MEMO1: variants seen among roughly 807,000 people sequenced by gnomAD.
The protein encoded by MEMO1 is mediator of cell motility 1.
A neutral mutation model predicts 45.2 loss-of-function variants in MEMO1; 6 were observed. The observed-to-expected ratio is 0.13, with a 90% CI of 0.07 to 0.26. The LOEUF (loss-of-function observed/expected upper bound fraction) is 0.26, where lower values mean the gene tolerates loss of function less well. Among genes scored for constraint, MEMO1 ranks in the 10% least tolerant of loss-of-function variants. The pLI, the probability that MEMO1 is intolerant of heterozygous loss-of-function variation, is 1.00. For missense variants in MEMO1, 184 were observed against 370.5 expected (o/e 0.50, Z 4.13); for synonymous variants, 78 against 124.3 (o/e 0.63, Z 2.48).
intron 2 of MEMO1, among the ~76,000 whole-genome samples, chr2:31,980,598 T>A (rs1486916806): frequency 1.3e-5 from 2 of 152,334 alleles, no homozygotes; most frequent in South Asian, 4.1e-4. Flanking sequence ...CAAACTATTT[T>A]ACCAATCCTA....
intron 2 of MEMO1, among the ~76,000 whole-genome samples, chr2:31,959,614 A>G (rs1446007409): frequency 2.6e-5 from 4 of 152,188 alleles, no homozygotes; most frequent in African/African-American, 4.8e-5. Context: ...AGTTACAGAC[A>G]AGATGAGGTA....
intron 2 of MEMO1, among the ~76,000 whole-genome samples, chr2:31,991,506 G>C (rs932820026): frequency 6.7e-6 from 1 of 150,242 alleles, no homozygotes; most frequent in African/African-American, 2.5e-5. Context: ...GGGAGGTGGA[G>C]GTTGCAGTGA....
At chr2:31,986,670 T>C (rs1473033752) in intron 2 of MEMO1, among the ~76,000 whole-genome samples, 2 of 152,110 alleles carry the variant, frequency 1.3e-5, no homozygotes, top group African/African-American at 4.8e-5. Context: ...GACAGGCAGG[T>C]CTACATTCTC....
At chr2:31,999,897 T>C (rs2148588338) in intron 2 of MEMO1, among the ~76,000 whole-genome samples, 1 of 151,420 alleles carries the variant, frequency 6.6e-6, no homozygotes, top group Middle Eastern at 3.4e-3. Context: ...TTTTTTTTTT[T>C]TTTTTGGACA....
chr2:31,978,427 C>A (rs907171356), intron 2 of MEMO1, among the ~76,000 whole-genome samples: 1 of 152,144 alleles, frequency 6.6e-6, no homozygotes, highest in East Asian at 1.9e-4. Context: ...GTGCAAATGC[C>A]TGGCATATAG....
At chr2:31,970,703 T>C (rs1297461746) in intron 2 of MEMO1, among the ~76,000 whole-genome samples, 4 of 151,300 alleles carry the variant, frequency 2.6e-5, no homozygotes, top group African/African-American at 9.7e-5. Flanking sequence ...TTTAACAACA[T>C]TGCAGGTTCA....
At chr2:31,923,369 T>G (rs1010293899) in intron 4 of MEMO1, 1 of 249,494 alleles carries the variant, frequency 4.0e-6, no homozygotes, top group African/African-American at 2.2e-5. Context: ...TCTTTCTACC[T>G]CTCTTCCTTC....
At chr2:31,993,516 A>G (rs1672190843) in intron 2 of MEMO1, among the ~76,000 whole-genome samples, 1 of 152,168 alleles carries the variant, frequency 6.6e-6, no homozygotes, top group South Asian at 2.1e-4. Flanking sequence ...TGCCATACTG[A>G]AGTTTGAGAA....
chr2:31,890,934 A>C (rs1174305511), intron 7 of MEMO1, among the ~76,000 whole-genome samples: 1 of 152,200 alleles, frequency 6.6e-6, no homozygotes, highest in Admixed American at 6.5e-5. Context: ...GCAAAAAACT[A>C]ATCTGTACCA....
At chr2:31,940,092 T>C (rs1484804174) in intron 3 of MEMO1, among the ~76,000 whole-genome samples, 2 of 152,204 alleles carry the variant, frequency 1.3e-5, no homozygotes, top group Admixed American at 6.5e-5. Flanking sequence ...TCACTCACTC[T>C]TGATTTTCCT....
intron 4 of MEMO1, among the ~76,000 whole-genome samples, chr2:31,925,717 G>A (rs1452103726): frequency 6.6e-6 from 1 of 152,108 alleles, no homozygotes; most frequent in Non-Finnish European, 1.5e-5. Context: ...GGTGAGGGGA[G>A]CGTAAAACCA....
Position 32,009,627 on chromosome 2 carries a change from CG to C in MEMO1, c.61+559del, listed in dbSNP as rs1335678552. 5.9e-5 allele frequency among the ~76,000 whole-genome samples: 9 copies of C among 152,200 alleles called. No homozygotes were observed. In the East Asian group the frequency reaches 1.7e-3, roughly 30 times the overall value. ...CTCTCCGGCTGCGGGCGCGGGGGCT[CG>C]GGGGCAGACCGAGAGAACTCCCTCT... On this transcript the variant is annotated intron_variant, in intron 2 of 9. Transcript: ENST00000404530.
chr2:32,009,001 T>C (rs1412003050), intron 2 of MEMO1, among the ~76,000 whole-genome samples: 2 of 152,208 alleles, frequency 1.3e-5, no homozygotes, highest in Non-Finnish European at 2.9e-5. Context: ...GGTCTAGTTA[T>C]TGACAAGCCA....
chr2:31,965,085 T>C lies in MEMO1; in HGVS notation c.62-21702A>G, dbSNP rs561066376. Among the ~76,000 whole-genome samples the C allele has an allele frequency of 8.5e-5, 13 of 152,100 alleles. No individual in the cohort carries two copies. The South Asian group carries it at 2.5e-3, about 29-fold the overall frequency. On this transcript the variant is annotated intron_variant, in intron 2 of 9. Coordinates refer to ENST00000404530, the MANE Select transcript of MEMO1 (RefSeq NM_001301833.4). ...AAAATTAGTCGGGAGTGGTGGTGCA[T>C]GCCTATAATCCCAGCTACTTGGGAG...
chr2:31,887,884 G>A (rs909547076), intron 7 of MEMO1, among the ~76,000 whole-genome samples: 11 of 152,066 alleles, frequency 7.2e-5, no homozygotes, highest in Admixed American at 7.2e-4. Context: ...GGAAGAGTAT[G>A]CATGAATAAT....
At chr2:31,950,678 G>A (rs1258563089) in intron 2 of MEMO1, among the ~76,000 whole-genome samples, 4 of 145,042 alleles carry the variant, frequency 2.8e-5, no homozygotes, top group Admixed American at 7.0e-5. Context: ...CTGAGATAAC[G>A]ACACTGTACT....
At chr2:31,935,274 G>A (rs1378721558) in intron 3 of MEMO1, among the ~76,000 whole-genome samples, 1 of 152,136 alleles carries the variant, frequency 6.6e-6, no homozygotes, top group African/African-American at 2.4e-5. Context: ...AGGAAGAAAG[G>A]AAGGAGTCTG....
intron 3 of MEMO1, among the ~76,000 whole-genome samples, chr2:31,942,289 A>G (rs1348330988): frequency 6.6e-6 from 1 of 152,208 alleles, no homozygotes; most frequent in Non-Finnish European, 1.5e-5. Flanking sequence ...TCCATGTTGC[A>G]CCATACTATG....
chr2:31,969,119 A>G lies in MEMO1; in HGVS notation c.62-25736T>C, dbSNP rs192214598. ...GTCTATTCCATACACAGGAAAATCT[A>G]GTCACTATATCCAACTGGCCATTTG... On this transcript the variant is annotated intron_variant, in intron 2 of 9. Transcript: ENST00000404530. 1.6e-3 allele frequency among the ~76,000 whole-genome samples: 242 copies of G among 151,976 alleles called. 1 individual carries two copies. The highest frequency in any genetic ancestry group is 5.4e-3 in the African/African-American group (225 of 41,512).
Sources: gnomAD v4.1 joint callset for allele counts (sites outside exome capture counted in the v4.1 genomes callset) on GRCh38, gnomAD v4.1.1 for gene constraint, MANE v1.5 for transcripts, NCBI Gene and HGNC (gene_info 2026-07-23, HGNC 2026-07-21) for gene names.